Variants in CACNA2D1 observed in about 807,000 individuals in gnomAD.
The protein encoded by CACNA2D1 is voltage-dependent calcium channel subunit alpha-2/delta-1.
Under a neutral mutation model 171.5 loss-of-function variants are expected in CACNA2D1, and 53 were observed. The observed-to-expected ratio is 0.31, with a 90% CI of 0.25 to 0.39. The LOEUF (loss-of-function observed/expected upper bound fraction) is 0.39, where lower values mean the gene tolerates loss of function less well. Ranked by LOEUF, CACNA2D1 falls within the 10% of genes least tolerant of loss-of-function variation. The pLI is 1.00. For missense variants in CACNA2D1, 903 were observed against 1,299.8 expected, an observed-to-expected ratio of 0.69 and a Z score of 4.69; for synonymous variants, 442 against 443.1, an observed-to-expected ratio of 1.00 and a Z score of 0.03.
chr7:82,137,808 A>C (rs1246731297), intron 4 of CACNA2D1, among the ~76,000 whole-genome samples: 1 of 151,530 alleles, frequency 6.6e-6, no homozygotes, highest in African/African-American at 2.4e-5. Context: ...TGAACCCAGG[A>C]GGCGGAGCTT....
chr7:82,162,899 C>T (rs1795090908), intron 4 of CACNA2D1, among the ~76,000 whole-genome samples: 1 of 151,964 alleles, frequency 6.6e-6, no homozygotes. Context: ...ATCATCTGTG[C>T]CTTGTACTTT....
intron 3 of CACNA2D1, among the ~76,000 whole-genome samples, chr7:82,262,304 C>G (rs1230717066): frequency 6.6e-6 from 1 of 152,192 alleles, no homozygotes; most frequent in Non-Finnish European, 1.5e-5. Context: ...GCACTCCAGC[C>G]TGGGCAACAG....
chr7:82,126,283 G>C (rs1197928745), intron 5 of CACNA2D1, among the ~76,000 whole-genome samples: 2 of 152,102 alleles, frequency 1.3e-5, no homozygotes, highest in Non-Finnish European at 2.9e-5. Context: ...TACAGCAATT[G>C]TACATGTATG....
chr7:82,126,953 G>A (rs1287125838), intron 5 of CACNA2D1, among the ~76,000 whole-genome samples: 1 of 152,114 alleles, frequency 6.6e-6, no homozygotes. Context: ...CTGAACCCCT[G>A]GTGTTTTGTT....
At chr7:82,379,447 T>C (rs902164670) in intron 1 of CACNA2D1, among the ~76,000 whole-genome samples, 2 of 152,202 alleles carry the variant, frequency 1.3e-5, no homozygotes, top group Non-Finnish European at 2.9e-5. Context: ...ACAAACATAT[T>C]TCTTCATTAT....
intron 12 of CACNA2D1, chr7:82,028,590 C>T (rs59405550): frequency 6.6e-6 from 1 of 151,734 alleles, no homozygotes; most frequent in Non-Finnish European, 1.5e-5. Flanking sequence ...GAAAGATCCA[C>T]AATTCTATAT....
intron 4 of CACNA2D1, among the ~76,000 whole-genome samples, chr7:82,149,931 T>C (rs1405389487): frequency 6.6e-6 from 1 of 151,848 alleles, no homozygotes; most frequent in Non-Finnish European, 1.5e-5. Flanking sequence ...CACTCCAGCC[T>C]GGGCTACAGA....
chr7:82,243,822 C>T lies in CACNA2D1; in HGVS notation c.295-73213G>A, dbSNP rs1341634947. On this transcript the variant is annotated intron_variant, in intron 3 of 38. Coordinates refer to ENST00000356860, the MANE Select transcript of CACNA2D1 (RefSeq NM_000722.4). ...TATATAACCTAAAATAGTGAAATTA[C>T]AGAACTATTTACATTTAGCTCTAAT... Among the ~76,000 whole-genome samples, 4 of 152,154 alleles carry T rather than the reference C, an allele frequency of 2.6e-5. No homozygotes were observed. The East Asian group carries it at 7.7e-4, about 29-fold the overall frequency.
chr7:82,427,613 T>A (rs547876848), intron 1 of CACNA2D1, among the ~76,000 whole-genome samples: 39 of 152,282 alleles, frequency 2.6e-4, no homozygotes, highest in African/African-American at 8.9e-4. Context: ...ATATTTTTAA[T>A]CCTTACAAGA....
intron 1 of CACNA2D1, among the ~76,000 whole-genome samples, chr7:82,407,194 G>T (rs1827155012): frequency 6.6e-6 from 1 of 152,202 alleles, no homozygotes; most frequent in African/African-American, 2.4e-5. Flanking sequence ...TTACCAGAGA[G>T]CACACATATA....
intron 3 of CACNA2D1, among the ~76,000 whole-genome samples, chr7:82,300,843 C>A (rs17156092): frequency 6.6e-6 from 1 of 151,764 alleles, no homozygotes; most frequent in Non-Finnish European, 1.5e-5. Flanking sequence ...TTAAAATATG[C>A]GTGAAACTGA....
At chr7:82,262,494 G>T (rs1807254845) in intron 3 of CACNA2D1, among the ~76,000 whole-genome samples, 1 of 151,956 alleles carries the variant, frequency 6.6e-6, no homozygotes. Context: ...AAACATGAAT[G>T]GTGTTATTTC....
chr7:82,110,517 T>C (rs1788251857), intron 6 of CACNA2D1, among the ~76,000 whole-genome samples: 1 of 152,172 alleles, frequency 6.6e-6, no homozygotes, highest in Admixed American at 6.5e-5. Flanking sequence ...CTGTCTGAGA[T>C]AATTAAGACA....
intron 1 of CACNA2D1, among the ~76,000 whole-genome samples, chr7:82,363,138 C>G (rs1357851000): frequency 6.6e-6 from 1 of 151,794 alleles, no homozygotes; most frequent in Non-Finnish European, 1.5e-5. Flanking sequence ...TAAGTGTCCT[C>G]AGGCATCCAA....
intron 3 of CACNA2D1, among the ~76,000 whole-genome samples, chr7:82,273,089 A>G (rs1808851602): frequency 6.6e-6 from 1 of 152,228 alleles, no homozygotes; most frequent in South Asian, 2.1e-4. Flanking sequence ...AGTTAAATAA[A>G]TAAAATAAAA....
intron 18 of CACNA2D1, among the ~76,000 whole-genome samples, chr7:82,003,155 T>C (rs923659336): frequency 1.3e-5 from 2 of 152,258 alleles, no homozygotes; most frequent in Non-Finnish European, 2.9e-5. Flanking sequence ...ATGGAAATCA[T>C]AATATTTACT....
intron 7 of CACNA2D1, among the ~76,000 whole-genome samples, chr7:82,072,932 T>G (rs1355077111): frequency 6.6e-6 from 1 of 151,958 alleles, no homozygotes. Flanking sequence ...TACCACTGAG[T>G]CACTGGAACT....
At chr7:82,009,704 A>C (rs996658965) in intron 15 of CACNA2D1, among the ~76,000 whole-genome samples, 1 of 152,106 alleles carries the variant, frequency 6.6e-6, no homozygotes, top group Non-Finnish European at 1.5e-5. Flanking sequence ...AACATATTAA[A>C]GATAATTATG....
intron 3 of CACNA2D1, among the ~76,000 whole-genome samples, chr7:82,226,203 A>C (rs1452335098): frequency 6.6e-6 from 1 of 152,148 alleles, no homozygotes; most frequent in Non-Finnish European, 1.5e-5. Context: ...ATTGACTTTC[A>C]TTGATTCACA....
Sources: gnomAD v4.1 joint callset for allele counts (sites outside exome capture counted in the v4.1 genomes callset) on GRCh38, gnomAD v4.1.1 for gene constraint, MANE v1.5 for transcripts, NCBI Gene and HGNC (gene_info 2026-07-23, HGNC 2026-07-21) for gene names.